SDK2: variants seen among roughly 807,000 people sequenced by gnomAD.
SDK2 encodes sidekick cell adhesion molecule 2.
In SDK2, 105 loss-of-function variants were observed where a neutral mutation model predicts 253.9. The observed-to-expected ratio is 0.41, with a 90% CI of 0.35 to 0.49. The LOEUF (loss-of-function observed/expected upper bound fraction) is 0.49. SDK2 is among the 20% of genes least tolerant of loss of function. The pLI is 0.06. For synonymous variants in SDK2, 1,249 were observed against 1,234.9 expected, an observed-to-expected ratio of 1.01 and a Z score of -0.24; for missense variants, 2,608 against 3,003.0, an observed-to-expected ratio of 0.87 and a Z score of 3.07.
intron 3 of SDK2, 86 bp from the exon 4 acceptor site, chr17:73,456,139 T>C: frequency 7.2e-7 from 1 of 1,389,310 alleles, no homozygotes; most frequent in East Asian, 2.8e-5. Context: ...GTGGTGGCTA[T>C]GGACGGAAAA....
At chr17:73,410,979 CTT>C (rs1053741433) in intron 18 of SDK2, among the ~76,000 whole-genome samples, 4 of 152,226 alleles carry the variant, frequency 2.6e-5, no homozygotes, top group African/African-American at 9.6e-5. Context: ...TAGAATAAAA[CTT>C]GTGCTTAGAA....
chr17:73,396,396 C>T (rs1057229450), intron 24 of SDK2, among the ~76,000 whole-genome samples: 2 of 151,988 alleles, frequency 1.3e-5, no homozygotes, highest in African/African-American at 4.8e-5. Context: ...CCAGCCCTCA[C>T]CTCCCCCAGT....
Position 73,541,717 on chromosome 17 carries a change from G to T in SDK2, c.65-34120C>A, listed in dbSNP as rs2044871786. Among the ~76,000 whole-genome samples, 1 of 152,218 alleles carries T rather than the reference G, an allele frequency of 6.6e-6. No homozygotes were observed. ...CCAGAATGCACAGCGGCAGAAGGAA[G>T]GGGGCGCGGGGCGGAGTCACGCTGA... On this transcript the variant is annotated intron_variant, in intron 1 of 44. Transcript: ENST00000392650. The surrounding 1 kb of genome is among the most constrained non-coding windows in gnomAD (Gnocchi z 4.3).
chr17:73,604,239 C>T (rs989002259), intron 1 of SDK2, among the ~76,000 whole-genome samples: 2 of 152,230 alleles, frequency 1.3e-5, no homozygotes, highest in Admixed American at 6.5e-5. Context: ...GAGGAGCGGA[C>T]CCGCAAAGCT....
At chr17:73,578,431 C>G (rs932693543) in intron 1 of SDK2, among the ~76,000 whole-genome samples, 1 of 152,140 alleles carries the variant, frequency 6.6e-6, no homozygotes, top group African/African-American at 2.4e-5. Flanking sequence ...TGTAAGATAA[C>G]AAATTTGTAT....
intron 18 of SDK2, among the ~76,000 whole-genome samples, chr17:73,404,618 C>T (rs2063055887): frequency 1.3e-5 from 2 of 152,162 alleles, no homozygotes; most frequent in Non-Finnish European, 1.5e-5. Context: ...ACCCTGAGAC[C>T]TTTCATGATG....
chr17:73,456,143 C>T lies in SDK2; in HGVS notation c.332-90G>A, dbSNP rs1032212769. The T allele has an allele frequency of 2.2e-4, 299 of 1,363,880 alleles. No individual in the cohort carries two copies. In the Admixed American group the frequency reaches 3.9e-3, roughly 18 times the overall value. 84.5% of individuals were successfully genotyped at this position (1,363,880 alleles called of 1,614,324 possible). A position where few individuals can be genotyped will look rare whatever the true frequency, so the allele number is the denominator to read the frequency against. On this transcript the variant is annotated intron_variant, in intron 3 of 44. Coordinates refer to ENST00000392650, the MANE Select transcript of SDK2 (RefSeq NM_001144952.2). ...CCAGGTTGGGAGTGGTGGCTATGGA[C>T]GGAAAATTCGGGGCAGACAGGATGA...
intron 1 of SDK2, among the ~76,000 whole-genome samples, chr17:73,632,050 C>T (rs1035462475): frequency 7.2e-5 from 11 of 152,204 alleles, no homozygotes; most frequent in African/African-American, 2.7e-4. Context: ...ACCCAATCAC[C>T]CAAGCAGCAG....
At chr17:73,604,981 G>A (rs2045888726) in intron 1 of SDK2, among the ~76,000 whole-genome samples, 1 of 152,182 alleles carries the variant, frequency 6.6e-6, no homozygotes, top group Admixed American at 6.5e-5. Context: ...GAGTTAGAGA[G>A]GCAACCCCAG....
At chr17:73,470,298 C>T (rs972901915) in intron 3 of SDK2, among the ~76,000 whole-genome samples, 1 of 152,190 alleles carries the variant, frequency 6.6e-6, no homozygotes, top group African/African-American at 2.4e-5. Flanking sequence ...CAAACACACA[C>T]ACACACACAA....
intron 33 of SDK2, among the ~76,000 whole-genome samples, chr17:73,381,265 T>A (rs1220166793): frequency 6.6e-6 from 1 of 151,760 alleles, no homozygotes; most frequent in Admixed American, 6.6e-5. Context: ...CCAATTCTCT[T>A]CCTTGTTTCA....
intron 1 of SDK2, among the ~76,000 whole-genome samples, chr17:73,515,760 G>A (rs1200102350): frequency 6.6e-6 from 1 of 152,264 alleles, no homozygotes; most frequent in South Asian, 2.1e-4. Flanking sequence ...GAAGATCCCA[G>A]TGGGAGAAGA....
intron 21 of SDK2, 43 bp from the exon 22 acceptor site, chr17:73,399,332 T>A (rs756680269): frequency 6.2e-7 from 1 of 1,610,596 alleles, no homozygotes; most frequent in Non-Finnish European, 8.5e-7. Flanking sequence ...CCGGTGAGAA[T>A]GGCCCCCCAT....
At chr17:73,415,755 C>G in intron 17 of SDK2, 56 bp downstream of exon 17, 1 of 1,463,656 alleles carries the variant, frequency 6.8e-7, no homozygotes, top group Non-Finnish European at 9.3e-7. Flanking sequence ...TCCCAAAGTG[C>G]TAGGATTACA....
intron 1 of SDK2, among the ~76,000 whole-genome samples, chr17:73,571,086 A>T (rs1187618014): frequency 6.8e-6 from 1 of 147,590 alleles, no homozygotes; most frequent in Non-Finnish European, 1.5e-5. Flanking sequence ...TTTTTTTGAG[A>T]TGGAGTCTTG....
chr17:73,545,099 G>GCACGCACACACACACACACACACACA (rs1555601161), intron 1 of SDK2, among the ~76,000 whole-genome samples: 5 of 145,716 alleles, frequency 3.4e-5, no homozygotes, highest in Admixed American at 1.4e-4. Context: ...GCACGTGCAC[G>GCACGCACACACACACACACACACACA]CACACACACA....
intron 6 of SDK2, among the ~76,000 whole-genome samples, chr17:73,439,826 T>C (rs1412738712): frequency 6.6e-6 from 1 of 152,142 alleles, no homozygotes. Flanking sequence ...GGGCAGTGCA[T>C]TTCAACTCAG....
At chr17:73,389,603 C>G (rs1273278763) in intron 29 of SDK2, among the ~76,000 whole-genome samples, 1 of 152,142 alleles carries the variant, frequency 6.6e-6, no homozygotes. Context: ...TTTGGGGAGT[C>G]CAAGATCAGG....
intron 36 of SDK2, among the ~76,000 whole-genome samples, 187 bp from the exon 37 acceptor site, chr17:73,368,780 T>C (rs941875880): frequency 6.6e-6 from 1 of 152,034 alleles, no homozygotes; most frequent in Non-Finnish European, 1.5e-5. Context: ...GAGGCAGAGG[T>C]GGGTGGATCA....
Sources: gnomAD v4.1 joint callset for allele counts (sites outside exome capture counted in the v4.1 genomes callset) on GRCh38, gnomAD v4.1.1 for gene constraint, Gnocchi (gnomAD v3.1) non-coding constraint, MANE v1.5 for transcripts, NCBI Gene and HGNC (gene_info 2026-07-23, HGNC 2026-07-21) for gene names.